The following GNG7 variants were observed in gnomAD, a reference collection of about 807,000 sequenced individuals.
The protein encoded by GNG7 is guanine nucleotide-binding protein G(I)/G(S)/G(O) subunit gamma-7.
GNG7 carries 1 observed loss-of-function variant against 4.0 expected under a neutral mutation model. The ratio of observed to expected loss-of-function variants is 0.25; its 90% CI spans 0.09 to 1.18. The LOEUF is 1.18. Ranked by LOEUF, GNG7 falls within the 50% of genes most tolerant of loss-of-function variation. The probability of loss-of-function intolerance (pLI) is 0.50; values close to 1 mark genes in which losing one functional copy is unlikely to be tolerated. For missense variants in GNG7, 86 were observed against 91.9 expected (o/e 0.94, Z 0.26); for synonymous variants, 34 against 36.9 (o/e 0.92, Z 0.29).
rs114640871 is a variant in GNG7 at position 2,646,026 on chromosome 19, C to T, written c.-78+198G>A. On this transcript the variant is annotated intron_variant, in intron 2 of 4. Coordinates refer to ENST00000382159, the MANE Select transcript of GNG7 (RefSeq NM_052847.3). ...AGTGCCACGTTCCCTGCCTCGTGGG[C>T]GGGAAACTCTGCCAGGAGCTAGCAG... Among the ~76,000 whole-genome samples, 1,441 of 152,248 alleles carry T rather than the reference C, an allele frequency of 9.5e-3. 21 individuals carry two copies. The highest frequency in any genetic ancestry group is 0.032 in the African/African-American group (1,322 of 41,534).
chr19:2,513,943 A>C lies in GNG7; in HGVS notation c.*1079T>G, dbSNP rs1972690773. ...ACTGGGCGCGGTGGCTCATGCCTGT[A>C]ATCCCAGCACTTTGGGAGGCCGAGG... On this transcript the variant is annotated 3_prime_UTR_variant, in exon 5 of 5. Coordinates refer to ENST00000382159, the MANE Select transcript of GNG7 (RefSeq NM_052847.3). 1 of 152,464 alleles carries C rather than the reference A, an allele frequency of 6.6e-6. No individual in the cohort carries two copies. Among genetic ancestry groups the C allele is most frequent in the Non-Finnish European group, 1.5e-5 (1 of 68,274 alleles). 9.4% of individuals were successfully genotyped at this position (152,464 alleles called of 1,614,324 possible).
chr19:2,585,527 C>T (rs889003348), intron 2 of GNG7, among the ~76,000 whole-genome samples: 2 of 152,150 alleles, frequency 1.3e-5, no homozygotes, highest in African/African-American at 4.8e-5. Flanking sequence ...ATTCTTGCAA[C>T]TTCTCCGTAA....
intron 1 of GNG7, among the ~76,000 whole-genome samples, chr19:2,670,067 G>A (rs1303194227): frequency 1.3e-5 from 2 of 151,580 alleles, no homozygotes; most frequent in African/African-American, 4.8e-5. Context: ...ACAAGACAGA[G>A]CCCCAGAGCC....
intron 2 of GNG7, among the ~76,000 whole-genome samples, chr19:2,580,414 C>T (rs143932516): frequency 1.3e-3 from 201 of 151,876 alleles, no homozygotes; most frequent in African/African-American, 4.7e-3. Context: ...CCTTGGCCTC[C>T]CAAGTAGCTG....
chr19:2,632,628 G>A (rs1378363318), intron 2 of GNG7: 2 of 152,128 alleles, frequency 1.3e-5, no homozygotes, highest in Non-Finnish European at 2.9e-5. Context: ...CCATCTCTGG[G>A]GTGAGGCTGC....
intron 4 of GNG7, among the ~76,000 whole-genome samples, chr19:2,518,249 C>CA (rs1389998697): frequency 2.0e-5 from 3 of 151,146 alleles, no homozygotes; most frequent in African/African-American, 7.3e-5. Context: ...TGGCTCCCCC[C>CA]GAGGCCCGAC....
At chr19:2,631,968 T>C (rs1434111390) in intron 2 of GNG7, 1 of 152,148 alleles carries the variant, frequency 6.6e-6, no homozygotes, top group Non-Finnish European at 1.5e-5. Flanking sequence ...ACTACAGCAT[T>C]TTCAGGGCGT....
intron 2 of GNG7, among the ~76,000 whole-genome samples, chr19:2,592,892 C>T (rs770645152): frequency 2.0e-5 from 2 of 99,372 alleles, no homozygotes; most frequent in African/African-American, 3.9e-5. Flanking sequence ...AAGAAGAAAA[C>T]GAAGGAAGGA....
intron 2 of GNG7, among the ~76,000 whole-genome samples, chr19:2,644,330 T>TATATATA (rs1982602054): frequency 3.4e-4 from 1 of 2,958 alleles, no homozygotes; most frequent in African/African-American, 1.3e-3. Context: ...CTACACTTTA[T>TATATATA]ATATATATAT....
At chr19:2,699,044 A>T (rs2144664406) in intron 1 of GNG7, among the ~76,000 whole-genome samples, 1 of 152,102 alleles carries the variant, frequency 6.6e-6, no homozygotes, top group South Asian at 2.1e-4. Context: ...CATTGCAAAC[A>T]TTGTCATCTT....
chr19:2,629,377 G>A (rs575674534), intron 2 of GNG7, among the ~76,000 whole-genome samples: 2 of 152,294 alleles, frequency 1.3e-5, no homozygotes, highest in South Asian at 4.1e-4. Flanking sequence ...GGATGGTGAC[G>A]GTGACAGCAG....
intron 2 of GNG7, among the ~76,000 whole-genome samples, chr19:2,559,849 T>G (rs1195810524): frequency 7.1e-6 from 1 of 140,196 alleles, no homozygotes; most frequent in African/African-American, 2.8e-5. Flanking sequence ...ATGATGTGAG[T>G]GTTGAATAGG....
chr19:2,576,497 C>T (rs1266218886), intron 2 of GNG7, among the ~76,000 whole-genome samples: 1 of 152,180 alleles, frequency 6.6e-6, no homozygotes, highest in Non-Finnish European at 1.5e-5. Context: ...TCTGGGAAAC[C>T]AGGAACCCTT....
intron 2 of GNG7, among the ~76,000 whole-genome samples, chr19:2,589,116 T>C (rs903549056): frequency 1.3e-5 from 2 of 151,604 alleles, no homozygotes; most frequent in African/African-American, 2.4e-5. Flanking sequence ...TTAGTAGAGA[T>C]GGGGTTTCTC....
intron 1 of GNG7, among the ~76,000 whole-genome samples, chr19:2,663,985 C>T (rs930467292): frequency 1.3e-5 from 2 of 152,196 alleles, no homozygotes; most frequent in African/African-American, 2.4e-5. Context: ...CAGACATTAC[C>T]AGTGTCCCCC....
rs1167047599 is a variant in GNG7 at position 2,529,016 on chromosome 19, C to G, written c.-37-8291G>C. ...AGAAATCTCACTCCCCGTGGACTTG[C>G]ACCCTGTCGCCACTCCCCTGACCTG... On this transcript the variant is annotated intron_variant, in intron 3 of 4. Coordinates refer to ENST00000382159, the MANE Select transcript of GNG7 (RefSeq NM_052847.3). 4.6e-5 allele frequency among the ~76,000 whole-genome samples: 7 copies of G among 152,350 alleles called. No individual in the cohort carries two copies. The East Asian group carries it at 1.3e-3, about 29-fold the overall frequency.
Position 2,511,776 on chromosome 19 carries a change from G to A in GNG7, c.*3246C>T, listed in dbSNP as rs1972659355. On this transcript the variant is annotated 3_prime_UTR_variant, in exon 5 of 5. Coordinates refer to ENST00000382159, the MANE Select transcript of GNG7 (RefSeq NM_052847.3). This position sits in a 1 kb window ranked among gnomAD's most constrained non-coding sequence, Gnocchi z 6.3. ...CAGGAGCACCTTCCGCCCTGGCCCAGCCGCCCCGTTTATGTCCCCAGAGGC... is the reference window on the plus strand; with the variant it reads ...CAGGAGCACCTTCCGCCCTGGCCCAACCGCCCCGTTTATGTCCCCAGAGGC... 3 of 984,302 alleles carry A rather than the reference G, an allele frequency of 3.0e-6. No individual in the cohort carries two copies. The African/African-American group carries it at 5.2e-5, about 17-fold the overall frequency. 61.0% of individuals were successfully genotyped at this position (984,302 alleles called of 1,614,324 possible).
chr19:2,597,722 C>T (rs1384303848), intron 2 of GNG7, among the ~76,000 whole-genome samples: 1 of 150,984 alleles, frequency 6.6e-6, no homozygotes, highest in Non-Finnish European at 1.5e-5. Context: ...CGGTGAAACC[C>T]CGTCTCTACT....
intron 3 of GNG7, among the ~76,000 whole-genome samples, chr19:2,531,017 C>T (rs956785452): frequency 2.0e-5 from 3 of 151,902 alleles, no homozygotes; most frequent in Admixed American, 1.3e-4. Context: ...GTAAGAGTAA[C>T]GGTCACAGCT....
Sources: gnomAD v4.1 joint callset for allele counts (sites outside exome capture counted in the v4.1 genomes callset) on GRCh38, gnomAD v4.1.1 for gene constraint, Gnocchi (gnomAD v3.1) non-coding constraint, MANE v1.5 for transcripts, NCBI Gene and HGNC (gene_info 2026-07-23, HGNC 2026-07-21) for gene names.